The following SIPA1L1 variants were observed in gnomAD, a reference collection of about 807,000 sequenced individuals.
SIPA1L1 encodes the protein signal induced proliferation associated 1 like 1.
SIPA1L1 carries 26 observed loss-of-function variants against 162.7 expected under a neutral mutation model. That is an observed-to-expected ratio of 0.16 (90% CI 0.12 to 0.22). The LOEUF (loss-of-function observed/expected upper bound fraction) is 0.22, where lower values mean the gene tolerates loss of function less well. SIPA1L1 is among the 10% of genes least tolerant of loss of function. SIPA1L1 has a pLI of 1.00. For synonymous variants in SIPA1L1, 829 were observed against 837.4 expected (o/e 0.99, Z 0.17); for missense variants, 1,874 against 2,241.0 (o/e 0.84, Z 3.31).
intron 2 of SIPA1L1, among the ~76,000 whole-genome samples, chr14:71,471,356 C>T (rs754990486): frequency 1.5e-4 from 23 of 152,108 alleles, no homozygotes; most frequent in Non-Finnish European, 2.9e-5. Context: ...GTAATCCCAG[C>T]TTCTCGGGAG....
chr14:71,396,876 A>G, intron 2 of SIPA1L1, among the ~76,000 whole-genome samples: 1 of 152,240 alleles, frequency 6.6e-6, no homozygotes, highest in East Asian at 1.9e-4. Flanking sequence ...AGCAAATGCT[A>G]TTCATTATGG....
intron 2 of SIPA1L1, among the ~76,000 whole-genome samples, chr14:71,488,816 A>G (rs570271277): frequency 1.3e-5 from 2 of 152,306 alleles, no homozygotes; most frequent in African/African-American, 4.8e-5. Context: ...TGTACTCTGC[A>G]CGCCACTGAA....
At chr14:71,718,926 C>CTT (rs895316458) in intron 17 of SIPA1L1, among the ~76,000 whole-genome samples, 2 of 147,872 alleles carry the variant, frequency 1.4e-5, no homozygotes, top group African/African-American at 5.0e-5. Context: ...AGAATCTTTG[C>CTT]TTTTTTTTTT....
At chr14:71,408,548 G>A (rs540863990) in intron 2 of SIPA1L1, among the ~76,000 whole-genome samples, 13 of 152,274 alleles carry the variant, frequency 8.5e-5, no homozygotes, top group African/African-American at 1.2e-4. Context: ...GAATGTGATG[G>A]GGACTCTCGC....
At chr14:71,334,871 G>A (rs946896301) in intron 2 of SIPA1L1, among the ~76,000 whole-genome samples, 2 of 152,116 alleles carry the variant, frequency 1.3e-5, no homozygotes, top group Non-Finnish European at 1.5e-5. Context: ...CATGTTGAAA[G>A]CATCAGTCTT....
chr14:71,418,387 A>C (rs1219866940), intron 2 of SIPA1L1, among the ~76,000 whole-genome samples: 1 of 152,204 alleles, frequency 6.6e-6, no homozygotes, highest in Admixed American at 6.5e-5. Flanking sequence ...GTGGATTTGA[A>C]CAAAAGTCTA....
intron 5 of SIPA1L1, among the ~76,000 whole-genome samples, chr14:71,604,668 G>A (rs560002230): frequency 2.0e-5 from 3 of 151,992 alleles, no homozygotes; most frequent in Admixed American, 6.6e-5. Context: ...TGGCTGACAG[G>A]TTTATTTATT....
At chr14:71,641,893 G>A (rs143265761) in intron 7 of SIPA1L1, among the ~76,000 whole-genome samples, 145 of 152,298 alleles carry the variant, frequency 9.5e-4, no homozygotes, top group African/African-American at 3.2e-3. Context: ...GATGATGCAG[G>A]GATGGACTGC....
At chr14:71,624,809 G>A (rs1000053219) in intron 7 of SIPA1L1, among the ~76,000 whole-genome samples, 4 of 152,062 alleles carry the variant, frequency 2.6e-5, no homozygotes, top group Non-Finnish European at 5.9e-5. Flanking sequence ...ACTTCACCGC[G>A]CTGTTCTTAA....
chr14:71,388,211 A>G (rs544204696), intron 2 of SIPA1L1, among the ~76,000 whole-genome samples: 1 of 152,358 alleles, frequency 6.6e-6, no homozygotes, highest in Non-Finnish European at 1.5e-5. Flanking sequence ...TCATTTTAGG[A>G]TAATGTACCA....
At chr14:71,692,785 C>T (rs2081342138) in intron 13 of SIPA1L1, among the ~76,000 whole-genome samples, 1 of 152,194 alleles carries the variant, frequency 6.6e-6, no homozygotes, top group Non-Finnish European at 1.5e-5. Context: ...ATTCTGCACT[C>T]ACCCTAGGGA....
At chr14:71,360,399 A>G (rs934224922) in intron 2 of SIPA1L1, among the ~76,000 whole-genome samples, 4 of 152,214 alleles carry the variant, frequency 2.6e-5, no homozygotes, top group Non-Finnish European at 4.4e-5. Flanking sequence ...CCTAAGTCCA[A>G]AGCTTACACG....
At chr14:71,714,039 T>G (rs2083078486) in intron 17 of SIPA1L1, among the ~76,000 whole-genome samples, 1 of 152,228 alleles carries the variant, frequency 6.6e-6, no homozygotes, top group Non-Finnish European at 1.5e-5. Context: ...TGTGGTTGAC[T>G]CTATTTGCCT....
rs144492872 is a variant in SIPA1L1, at chr14:71,701,888, A to G, written c.3522-493A>G. On this transcript the variant is annotated intron_variant, in intron 14 of 23. Transcript: ENST00000381232. ...GATAGTAATCTTTGTATTTCAGACC[A>G]CAAAGCAAGTACTCAGAAAATACTT... Among the ~76,000 whole-genome samples, 5 of 152,366 alleles carry G rather than the reference A, an allele frequency of 3.3e-5. No homozygotes were observed. In the East Asian group the frequency reaches 9.6e-4, roughly 29 times the overall value.
At chr14:71,639,043 C>T (rs1402620778) in intron 7 of SIPA1L1, among the ~76,000 whole-genome samples, 5 of 152,114 alleles carry the variant, frequency 3.3e-5, no homozygotes, top group Admixed American at 1.3e-4. Context: ...TAAACAAAAG[C>T]TTGGGCATGC....
chr14:71,393,511 T>C (rs2040934928), intron 2 of SIPA1L1, among the ~76,000 whole-genome samples: 1 of 152,182 alleles, frequency 6.6e-6, no homozygotes, highest in Non-Finnish European at 1.5e-5. Context: ...GGACTTGCTT[T>C]AGTAATAGCT....
chr14:71,593,239 T>C (rs2035621232), intron 5 of SIPA1L1, among the ~76,000 whole-genome samples: 1 of 151,600 alleles, frequency 6.6e-6, no homozygotes, highest in Admixed American at 6.6e-5. Flanking sequence ...TGAGACAGAG[T>C]CTCACTCTCT....
chr14:71,675,831 C>T (rs918154825), intron 12 of SIPA1L1, among the ~76,000 whole-genome samples: 5 of 152,048 alleles, frequency 3.3e-5, no homozygotes, highest in Admixed American at 6.5e-5. Flanking sequence ...CAAGGGGGTG[C>T]GGGAGGTGAT....
intron 3 of SIPA1L1, among the ~76,000 whole-genome samples, chr14:71,520,283 CA>C (rs1419381649): frequency 6.6e-6 from 1 of 152,106 alleles, no homozygotes; most frequent in Non-Finnish European, 1.5e-5. Context: ...ATCAGTTCAT[CA>C]AAATGAACAT....
Sources: gnomAD v4.1 joint callset for allele counts (sites outside exome capture counted in the v4.1 genomes callset) on GRCh38, gnomAD v4.1.1 for gene constraint, MANE v1.5 for transcripts, NCBI Gene and HGNC (gene_info 2026-07-23, HGNC 2026-07-21) for gene names.